The following SLC38A6 variants were observed in gnomAD, a reference collection of about 807,000 sequenced individuals.
The protein encoded by SLC38A6 is N system amino acid transporter NAT-1.
Under a neutral mutation model 65.0 loss-of-function variants are expected in SLC38A6, and 73 were observed. That is an observed-to-expected ratio of 1.12 (90% CI 0.93 to 1.37). SLC38A6 has a LOEUF of 1.37. Among genes scored for constraint, SLC38A6 ranks in the 40% most tolerant of loss-of-function variants. SLC38A6 has a pLI of 0.00. For missense variants in SLC38A6, 561 were observed against 531.1 expected, an observed-to-expected ratio of 1.06 and a Z score of -0.55; for synonymous variants, 183 against 178.8, an observed-to-expected ratio of 1.02 and a Z score of -0.19.
intron 3 of SLC38A6, among the ~76,000 whole-genome samples, chr14:61,008,203 T>G (rs1406297580): frequency 6.6e-6 from 1 of 152,216 alleles, no homozygotes; most frequent in Non-Finnish European, 1.5e-5. Flanking sequence ...GCTGTATCAT[T>G]CATGAAGTTT....
chr14:61,018,723 C>G (rs954716606), intron 4 of SLC38A6, among the ~76,000 whole-genome samples: 1 of 152,196 alleles, frequency 6.6e-6, no homozygotes, highest in African/African-American at 2.4e-5. Context: ...GATAAGCTAA[C>G]AAGCCTACAG....
chr14:61,037,644 T>C lies in SLC38A6; in HGVS notation c.585T>C (p.Ser195=). 1 of 1,594,822 alleles carries C rather than the reference T, an allele frequency of 6.3e-7. No homozygotes were observed. Among genetic ancestry groups the C allele is most frequent in the South Asian group, 1.1e-5 (1 of 88,608 alleles). The change falls in exon 8 of 16, where the codon AGT becomes AGC. Residue 195 remains serine (S), a synonymous_variant. Coordinates refer to ENST00000267488, the MANE Select transcript of SLC38A6 (RefSeq NM_153811.3). The part of the protein sequence containing the change: ...LPKIGFLGYT[S]SLSFFFMMFF... Reference sequence around the variant, plus strand: ...TTACAGGCTTTCTTGGCTACACAAGTAGTTTATCATTTTTCTTTATGATGT... The same window carrying C: ...TTACAGGCTTTCTTGGCTACACAAGCAGTTTATCATTTTTCTTTATGATGT...
At chr14:61,025,528 A>G (rs138347197) in intron 5 of SLC38A6, among the ~76,000 whole-genome samples, 1 of 152,208 alleles carries the variant, frequency 6.6e-6, no homozygotes, top group East Asian at 1.9e-4. Flanking sequence ...AAATTTGGAG[A>G]GTCTTTTTCA....
chr14:60,994,383 TA>T (rs968914741), intron 3 of SLC38A6, among the ~76,000 whole-genome samples: 18 of 151,680 alleles, frequency 1.2e-4, no homozygotes, highest in African/African-American at 3.9e-4. Flanking sequence ...CTGTCTCTAC[TA>T]AAAATACAAA....
intron 15 of SLC38A6, among the ~76,000 whole-genome samples, chr14:61,077,768 AT>A (rs930043989): frequency 2.0e-5 from 3 of 151,288 alleles, no homozygotes; most frequent in Non-Finnish European, 4.4e-5. Flanking sequence ...GCTTTCCTCA[AT>A]TTTTTTTTCT....
chr14:61,012,324 C>CA (rs1300460967), intron 3 of SLC38A6, among the ~76,000 whole-genome samples: 10 of 152,002 alleles, frequency 6.6e-5, no homozygotes, highest in Admixed American at 6.6e-5. Context: ...TTGATCTGTT[C>CA]AAAAAAGCAG....
chr14:61,054,836 T>C (rs1248412769), downstream of SLC38A6, among the ~76,000 whole-genome samples: 1 of 152,290 alleles, frequency 6.6e-6, no homozygotes, highest in South Asian at 2.1e-4. Context: ...CTCTTCCTAT[T>C]TGGATGTCCT....
intron 10 of SLC38A6, among the ~76,000 whole-genome samples, chr14:61,043,780 G>C (rs1041945453): frequency 6.9e-6 from 1 of 145,624 alleles, no homozygotes; most frequent in Non-Finnish European, 1.5e-5. Flanking sequence ...CAGATTTACC[G>C]AATGTCTGGT....
chr14:60,996,608 T>C (rs935990743), intron 3 of SLC38A6, among the ~76,000 whole-genome samples: 12 of 152,132 alleles, frequency 7.9e-5, no homozygotes, highest in Non-Finnish European at 2.9e-5. Flanking sequence ...TGAAGGAAAT[T>C]AGTTTCAAGA....
In SLC38A6 at chr14:61,032,922, G is replaced by C. The variant is rs188789103; in HGVS notation, c.482+2399G>C. ...TATGCTAATTTTCTGGGTTATCTGC[G>C]AGCTTGGTGTACCTTTGAAATATAA... On this transcript the variant is annotated intron_variant, in intron 6 of 15. Transcript: ENST00000267488. Among the ~76,000 whole-genome samples, 260 of 151,914 alleles carry C rather than the reference G, an allele frequency of 1.7e-3. 1 individual carries two copies. Among genetic ancestry groups the C allele is most frequent in the African/African-American group, 5.5e-3 (229 of 41,520 alleles).
In SLC38A6 at chr14:61,004,978, G is replaced by A. The variant is rs1305942519; in HGVS notation, c.311-10926G>A. On this transcript the variant is annotated intron_variant, in intron 3 of 15. Coordinates refer to ENST00000267488, the MANE Select transcript of SLC38A6 (RefSeq NM_153811.3). Reference sequence around the variant, plus strand: ...ACTGAATCCAGCAGCACATCAAAAAGCTTATCCACCATGATCAAGTGGGCT... The same window carrying A: ...ACTGAATCCAGCAGCACATCAAAAAACTTATCCACCATGATCAAGTGGGCT... Among the ~76,000 whole-genome samples the A allele has an allele frequency of 4.6e-5, 7 of 152,092 alleles. No individual in the cohort carries two copies. In the East Asian group the frequency reaches 1.2e-3, roughly 25 times the overall value.
intron 8 of SLC38A6, among the ~76,000 whole-genome samples, chr14:61,041,908 CAAG>C (rs1332227839): frequency 6.6e-6 from 1 of 151,702 alleles, no homozygotes; most frequent in African/African-American, 2.4e-5. Context: ...TTAAAAAAAA[CAAG>C]AAAAGAAACT....
At chr14:60,987,169 C>CTTTT in intron 3 of SLC38A6, 4 of 192,184 alleles carry the variant, frequency 2.1e-5, no homozygotes, top group Non-Finnish European at 4.1e-5. Context: ...TAGGCTTTTC[C>CTTTT]TTTTTTTTTT....
intron 6 of SLC38A6, among the ~76,000 whole-genome samples, chr14:61,032,556 A>C (rs1380474283): frequency 6.6e-6 from 1 of 151,944 alleles, no homozygotes; most frequent in African/African-American, 2.4e-5. Context: ...AAAATCATAT[A>C]CTTCAAAATA....
chr14:61,061,581 A>G (rs570389782), intron 15 of SLC38A6, among the ~76,000 whole-genome samples: 32 of 152,190 alleles, frequency 2.1e-4, no homozygotes, highest in Non-Finnish European at 3.4e-4. Flanking sequence ...CCAAAATGTC[A>G]TATAGTTGCA....
chr14:61,001,771 A>G (rs1026132870), intron 3 of SLC38A6, among the ~76,000 whole-genome samples: 10 of 152,144 alleles, frequency 6.6e-5, no homozygotes, highest in Admixed American at 5.2e-4. Flanking sequence ...TCTTCCTTCT[A>G]ATATTCATTA....
chr14:61,023,680 CTCTTAT>C (rs1206495050), intron 5 of SLC38A6, among the ~76,000 whole-genome samples: 10 of 151,176 alleles, frequency 6.6e-5, no homozygotes, highest in African/African-American at 2.4e-4. Context: ...TTTCTTAACT[CTCTTAT>C]TCTTTGTAAC....
chr14:61,023,407 C>A (rs559099063), intron 5 of SLC38A6, among the ~76,000 whole-genome samples: 3 of 151,914 alleles, frequency 2.0e-5, no homozygotes, highest in Non-Finnish European at 4.4e-5. Flanking sequence ...CCAGTCTCTA[C>A]TAAAAATACA....
chr14:61,020,079 A>T (rs2040263188), intron 5 of SLC38A6, among the ~76,000 whole-genome samples: 1 of 152,172 alleles, frequency 6.6e-6, no homozygotes, highest in African/African-American at 2.4e-5. Flanking sequence ...TCTCACATTT[A>T]TCCTGTATCT....
Sources: allele counts gnomAD v4.1 joint callset (sites outside exome capture counted in the v4.1 genomes callset), GRCh38; gene constraint gnomAD v4.1.1; transcripts MANE v1.5; gene names NCBI Gene and HGNC (gene_info 2026-07-23, HGNC 2026-07-21).